The following SNAP91 variants were observed in gnomAD, a reference collection of about 807,000 sequenced individuals.
SNAP91 encodes synaptosome associated protein 91.
Under a neutral mutation model 100.3 loss-of-function variants are expected in SNAP91, and 27 were observed. That is an observed-to-expected ratio of 0.27 (90% confidence interval 0.20 to 0.37). The LOEUF is 0.37. Among genes scored for constraint, SNAP91 ranks in the 10% least tolerant of loss-of-function variants. The pLI, the probability that SNAP91 is intolerant of heterozygous loss-of-function variation, is 1.00. For synonymous variants in SNAP91, 404 were observed against 398.6 expected (o/e 1.01, Z -0.16); for missense variants, 986 against 1,123.7 (o/e 0.88, Z 1.75).
Position 83,601,273 on chromosome 6 carries a change from C to A in SNAP91, c.1322G>T (p.Gly441Val). 1 of 1,613,284 alleles carries A rather than the reference C, an allele frequency of 6.2e-7. No homozygotes were observed. The highest frequency in any genetic ancestry group is 2.2e-5 in the East Asian group (1 of 44,864). ...AAGTAGCAGCGAGACTAACTAACCTCCAAAGAGATCCACTTCAGCAGTGAC... is the reference window on the plus strand; with the variant it reads ...AAGTAGCAGCGAGACTAACTAACCTACAAAGAGATCCACTTCAGCAGTGAC... ...TAVTAEVDLF[G>V]DAFAASPGEA... Residue 441 changes from glycine to valine, a missense_variant and splice_region_variant, in exon 16 of 30, where the codon GGA (glycine) becomes GTA (valine). Gly to Val is a moderately radical substitution (Grantham distance 109). Transcript: ENST00000369694.
chr6:83,637,607 C>T (rs773848340), intron 8 of SNAP91, among the ~76,000 whole-genome samples: 1 of 152,182 alleles, frequency 6.6e-6, no homozygotes, highest in East Asian at 1.9e-4. Context: ...CTTCTGCTCT[C>T]AGATCACTGA....
chr6:83,601,304 T>A lies in SNAP91; in HGVS notation c.1291A>T (p.Thr431Ser). 1.2e-6 allele frequency: 2 copies of A among 1,613,484 alleles called. No individual in the cohort carries two copies. Among genetic ancestry groups the A allele is most frequent in the Non-Finnish European group, 1.7e-6 (2 of 1,179,650 alleles). Residue 431 changes from threonine (T) to serine (S), a missense_variant, in exon 16 of 30, where the codon ACT becomes TCT. By Grantham distance (58) the Thr-to-Ser change is moderately conservative (BLOSUM62 1). Coordinates refer to ENST00000369694, the MANE Select transcript of SNAP91 (RefSeq NM_001242792.2). ...AGATCCACTTCAGCAGTGACAGCAG[T>A]AACAGTTGTAGTAGTGGAGGCAGAA... ...SASASTTTTVTAVTAEVDLFG... is the reference protein window; with the variant it reads ...SASASTTTTVSAVTAEVDLFG...
intron 2 of SNAP91, among the ~76,000 whole-genome samples, chr6:83,680,087 C>A (rs1562638115): frequency 6.6e-6 from 1 of 152,090 alleles, no homozygotes; most frequent in Non-Finnish European, 1.5e-5. Context: ...ATTTACAGAA[C>A]CTTCTGGGTC....
intron 27 of SNAP91, among the ~76,000 whole-genome samples, chr6:83,560,605 A>G (rs971479638): frequency 1.3e-5 from 2 of 152,232 alleles, no homozygotes; most frequent in African/African-American, 4.8e-5. Flanking sequence ...GGCTAATACT[A>G]TATTTTGTAA....
At chr6:83,650,398 G>T (rs371345628) in intron 7 of SNAP91, among the ~76,000 whole-genome samples, 28 of 152,226 alleles carry the variant, frequency 1.8e-4, no homozygotes, top group African/African-American at 6.0e-4. Context: ...CTATTTAATA[G>T]CCTGGCTTGG....
chr6:83,708,083 C>G (rs1005465590), intron 1 of SNAP91, 126 bp from the exon 2 acceptor site: 5 of 794,830 alleles, frequency 6.3e-6, no homozygotes, highest in Non-Finnish European at 9.2e-6. Context: ...GGCACCACCT[C>G]TCGGAGCCAG....
chr6:83,694,557 C>A (rs1023525049), intron 2 of SNAP91, among the ~76,000 whole-genome samples: 3 of 152,176 alleles, frequency 2.0e-5, no homozygotes, highest in African/African-American at 7.2e-5. Flanking sequence ...AATCAGAATT[C>A]TTCCCTATGA....
chr6:83,598,568 A>G (rs2094778399), intron 16 of SNAP91, among the ~76,000 whole-genome samples: 1 of 152,172 alleles, frequency 6.6e-6, no homozygotes, highest in Non-Finnish European at 1.5e-5. Context: ...AAAGAAATCT[A>G]CTTAGTTGCT....
At chr6:83,590,555 A>AAC (rs1554221937) in intron 22 of SNAP91, among the ~76,000 whole-genome samples, 28 of 152,100 alleles carry the variant, frequency 1.8e-4, no homozygotes, top group African/African-American at 6.5e-4. Context: ...CTTGTTAAAA[A>AAC]AAAAAACAAA....
At chr6:83,588,453 TTAATAAGATTTCAGAA>T (rs971004722) in intron 22 of SNAP91, among the ~76,000 whole-genome samples, 3 of 152,224 alleles carry the variant, frequency 2.0e-5, no homozygotes, top group Admixed American at 2.0e-4. Flanking sequence ...CTACCCCATT[TTAATAAGATTTCAGAA>T]TAGACAACAC....
At chr6:83,573,229 G>A (rs1811605336) in intron 26 of SNAP91, among the ~76,000 whole-genome samples, 3 of 152,104 alleles carry the variant, frequency 2.0e-5, no homozygotes, top group South Asian at 4.2e-4. Context: ...AAATACCTAG[G>A]AATCCAACTT....
At chr6:83,623,484 A>G (rs2096811720) in intron 8 of SNAP91, 142 bp from the exon 9 acceptor site, 5 of 639,022 alleles carry the variant, frequency 7.8e-6, no homozygotes, top group Admixed American at 2.5e-5. Context: ...CACTTGGAAC[A>G]TATGCTTTTT....
intron 28 of SNAP91, 81 bp downstream of exon 28, chr6:83,560,021 AAC>A (rs1784679522): frequency 1.4e-5 from 17 of 1,202,712 alleles, no homozygotes; most frequent in Non-Finnish European, 2.1e-5. Flanking sequence ...ATTAGGTAAA[AAC>A]ACTTTTTAAA....
At chr6:83,688,686 G>A (rs1287249314) in intron 2 of SNAP91, among the ~76,000 whole-genome samples, 1 of 151,784 alleles carries the variant, frequency 6.6e-6, no homozygotes, top group Non-Finnish European at 1.5e-5. Flanking sequence ...TTTATTTTTG[G>A]TAGAGACGGG....
intron 16 of SNAP91, among the ~76,000 whole-genome samples, chr6:83,595,827 C>T (rs2094415021): frequency 6.6e-6 from 1 of 152,192 alleles, no homozygotes; most frequent in Non-Finnish European, 1.5e-5. Flanking sequence ...ACTTGTTTCT[C>T]AGTTTGACCT....
chr6:83,705,551 TC>T (rs1265930412), intron 2 of SNAP91, among the ~76,000 whole-genome samples: 4 of 152,146 alleles, frequency 2.6e-5, no homozygotes, highest in African/African-American at 4.8e-5. Context: ...ACTCCTGTAA[TC>T]CCAGCACTTT....
intron 11 of SNAP91, among the ~76,000 whole-genome samples, chr6:83,612,604 G>T (rs191827246): frequency 1.3e-5 from 2 of 152,038 alleles, no homozygotes; most frequent in East Asian, 3.9e-4. Context: ...GGCCAGGTGC[G>T]GTGGCTCACG....
intron 8 of SNAP91, among the ~76,000 whole-genome samples, chr6:83,633,847 T>C (rs1162524269): frequency 2.0e-5 from 3 of 151,872 alleles, no homozygotes; most frequent in African/African-American, 7.3e-5. Context: ...TTCCCCTGCC[T>C]GTGGTGTCTG....
intron 2 of SNAP91, among the ~76,000 whole-genome samples, chr6:83,682,755 C>A (rs925715291): frequency 1.4e-5 from 2 of 142,074 alleles, no homozygotes; most frequent in African/African-American, 5.3e-5. Context: ...CACAACAGTC[C>A]CCAGAGTGTG....
Sources: allele counts gnomAD v4.1 joint callset (sites outside exome capture counted in the v4.1 genomes callset), GRCh38; gene constraint gnomAD v4.1.1; transcripts MANE v1.5; gene names NCBI Gene and HGNC (gene_info 2026-07-23, HGNC 2026-07-21).